The following UXS1 variants were observed in gnomAD, a reference collection of about 807,000 sequenced individuals.
UXS1 encodes UDP-glucuronate decarboxylase 1.
A neutral mutation model predicts 62.6 loss-of-function variants in UXS1; 33 were observed. That is an observed-to-expected ratio of 0.53 (90% CI 0.40 to 0.70). The LOEUF is 0.70. UXS1 is among the 30% of genes least tolerant of loss of function. The pLI is 0.00. For synonymous variants in UXS1, 213 were observed against 206.8 expected (o/e 1.03, Z -0.26); for missense variants, 434 against 556.3 (o/e 0.78, Z 2.21).
Position 106,104,421 on chromosome 2 carries a change from G to A in UXS1, c.923+373C>T, listed in dbSNP as rs929310078. ...CCACAAGGACTATCTCCTCCACCCC[G>A]CGAGCCATGTTTGCAATGGGTCAGA... On this transcript the variant is annotated intron_variant, in intron 11 of 14. Transcript: ENST00000283148. 9.9e-5 allele frequency among the ~76,000 whole-genome samples: 15 copies of A among 152,144 alleles called. No individual in the cohort carries two copies. In the South Asian group the frequency reaches 1.0e-3, roughly 10 times the overall value.
At chr2:106,121,964 A>C (rs1466881604) in intron 9 of UXS1, among the ~76,000 whole-genome samples, 5 of 152,156 alleles carry the variant, frequency 3.3e-5, no homozygotes, top group African/African-American at 1.2e-4. Context: ...CCCTTGGCAC[A>C]TGCTTGACTG....
At chr2:106,096,210 ATG>A (rs1326177806) in intron 14 of UXS1, among the ~76,000 whole-genome samples, 2 of 151,662 alleles carry the variant, frequency 1.3e-5, no homozygotes, top group East Asian at 3.9e-4. Flanking sequence ...GTGTGTATGT[ATG>A]TGGGAGAGGG....
intron 1 of UXS1, among the ~76,000 whole-genome samples, chr2:106,166,706 T>TTTC (rs2105066082): frequency 6.6e-6 from 1 of 151,144 alleles, no homozygotes; most frequent in South Asian, 2.1e-4. Flanking sequence ...AAGCTTTTTT[T>TTTC]TTTTTTTTTT....
chr2:106,142,586 C>G (rs1233300786), intron 6 of UXS1, among the ~76,000 whole-genome samples: 7 of 152,128 alleles, frequency 4.6e-5, no homozygotes, highest in Admixed American at 3.3e-4. Context: ...AGAATATGAT[C>G]AGTCTTGGAG....
At chr2:106,112,217 C>T (rs897535898) in intron 10 of UXS1, among the ~76,000 whole-genome samples, 4 of 152,182 alleles carry the variant, frequency 2.6e-5, no homozygotes, top group Non-Finnish European at 4.4e-5. Flanking sequence ...AGGATGGTAC[C>T]GAGGGCCTGC....
At chr2:106,192,009 G>A (rs536352519) in intron 1 of UXS1, among the ~76,000 whole-genome samples, 49 of 152,256 alleles carry the variant, frequency 3.2e-4, no homozygotes, top group African/African-American at 1.2e-3. Flanking sequence ...AGATTCTCAG[G>A]CCACATCCCA....
chr2:106,187,500 C>A (rs1051873370), intron 1 of UXS1, among the ~76,000 whole-genome samples: 2 of 152,156 alleles, frequency 1.3e-5, no homozygotes, highest in African/African-American at 4.8e-5. Context: ...ATATTAAGGG[C>A]AAAACTGTAC....
At chr2:106,129,413 G>T (rs1162157025) in intron 7 of UXS1, among the ~76,000 whole-genome samples, 3 of 152,218 alleles carry the variant, frequency 2.0e-5, no homozygotes, top group African/African-American at 7.2e-5. Flanking sequence ...ACTCCCAGGG[G>T]ATCTGCACCA....
At chr2:106,177,566 G>A (rs999961934) in intron 1 of UXS1, among the ~76,000 whole-genome samples, 2 of 152,148 alleles carry the variant, frequency 1.3e-5, no homozygotes, top group African/African-American at 2.4e-5. Context: ...CAGGTAATAC[G>A]ACCTTCCTAT....
At chr2:106,123,181 G>A (rs552283439) in intron 8 of UXS1, 90 bp from the exon 9 acceptor site, 44 of 1,562,110 alleles carry the variant, frequency 2.8e-5, no homozygotes, top group South Asian at 5.9e-5. Context: ...AGGGAACTTC[G>A]GAAAGACCCA....
intron 6 of UXS1, among the ~76,000 whole-genome samples, chr2:106,141,168 G>A (rs946465012): frequency 5.3e-5 from 8 of 152,180 alleles, no homozygotes; most frequent in Non-Finnish European, 1.2e-4. Context: ...TTGGTAAAGA[G>A]ATCTAGCTAG....
intron 7 of UXS1, among the ~76,000 whole-genome samples, chr2:106,128,592 C>G (rs1680168963): frequency 1.3e-5 from 2 of 152,178 alleles, no homozygotes; most frequent in African/African-American, 4.8e-5. Context: ...CCTCGGCTCT[C>G]TGGTTCTCAG....
intron 5 of UXS1, among the ~76,000 whole-genome samples, chr2:106,157,524 C>T (rs1246612925): frequency 3.3e-5 from 5 of 152,134 alleles, no homozygotes; most frequent in Admixed American, 2.0e-4. Flanking sequence ...CCAAAGTATA[C>T]CTAAAAGAAT....
At position 106,141,033 on chromosome 2, in the gene UXS1, A is replaced by C. The variant is rs184158569; in HGVS notation, c.472+4157T>G. ...ACACAGATGTGTGGCTTTCTGAAGC[A>C]TGGTTTATGATGGCCCCAAACTGCA... On this transcript the variant is annotated intron_variant, in intron 6 of 14. Coordinates refer to ENST00000283148, the MANE Select transcript of UXS1 (RefSeq NM_001253875.2). Among the ~76,000 whole-genome samples, 79 of 152,352 alleles carry C rather than the reference A, an allele frequency of 5.2e-4. 1 individual carries two copies. The highest frequency in any genetic ancestry group is 1.8e-3 in the African/African-American group (76 of 41,580).
At chr2:106,142,027 T>G (rs546473252) in intron 6 of UXS1, among the ~76,000 whole-genome samples, 18 of 151,988 alleles carry the variant, frequency 1.2e-4, no homozygotes, top group African/African-American at 4.1e-4. Context: ...TGCACAAGCA[T>G]GCCCAGCTAA....
intron 14 of UXS1, 85 bp from the exon 15 acceptor site, chr2:106,094,242 G>GAAGTGCCACCTTGCAGGAAGC: frequency 6.3e-7 from 1 of 1,596,116 alleles, no homozygotes; most frequent in Non-Finnish European, 8.5e-7. Context: ...TTGCAGGAAG[G>GAAGTGCCACCTTGCAGGAAGC]AAGTGCCACC....
chr2:106,119,642 A>G (rs1679361009), intron 9 of UXS1, among the ~76,000 whole-genome samples: 1 of 152,176 alleles, frequency 6.6e-6, no homozygotes, highest in African/African-American at 2.4e-5. Context: ...CTCAGAACAC[A>G]GTCATAGTCC....
At chr2:106,122,798 A>G (rs530276578) in intron 9 of UXS1, among the ~76,000 whole-genome samples, 172 bp downstream of exon 9, 1 of 152,366 alleles carries the variant, frequency 6.6e-6, no homozygotes, top group Admixed American at 6.5e-5. Flanking sequence ...AAGGAGATAC[A>G]TGGAAAAAGC....
At chr2:106,143,389 A>G (rs1681287943) in intron 6 of UXS1, among the ~76,000 whole-genome samples, 1 of 128,802 alleles carries the variant, frequency 7.8e-6, no homozygotes, top group African/African-American at 2.8e-5. Context: ...AGCCTGGGCA[A>G]CAGAGAGAGA....
Sources: allele counts gnomAD v4.1 joint callset (sites outside exome capture counted in the v4.1 genomes callset), GRCh38; gene constraint gnomAD v4.1.1; transcripts MANE v1.5; gene names NCBI Gene and HGNC (gene_info 2026-07-23, HGNC 2026-07-21).